Variants in PRSS53 observed in about 807,000 individuals in gnomAD.
The protein encoded by PRSS53 is serine protease 53.
In PRSS53, 54 loss-of-function variants were observed where a neutral mutation model predicts 62.7. The ratio of observed to expected loss-of-function variants is 0.86; its 90% CI spans 0.69 to 1.08. The LOEUF is 1.08. Ranked by LOEUF, PRSS53 falls within the 50% of genes least tolerant of loss-of-function variation. PRSS53 has a pLI of 0.00. For missense variants in PRSS53, 688 were observed against 728.3 expected (o/e 0.94, Z 0.64); for synonymous variants, 273 against 300.0 (o/e 0.91, Z 0.93).
intron 3 of PRSS53, 96 bp from the exon 4 acceptor site, chr16:31,086,994 A>G: frequency 7.6e-7 from 1 of 1,311,612 alleles, no homozygotes; most frequent in Non-Finnish European, 1.0e-6. Flanking sequence ...AGCAGAGAGC[A>G]CTCCACGGCT....
chr16:31,083,796 G>T, exon 11 of PRSS53: 1 of 1,614,116 alleles, frequency 6.2e-7, no homozygotes, highest in Non-Finnish European at 8.5e-7. Flanking sequence ...CCTGTCAGCA[G>T]CTGGTTGGTT....
rs2057198139 is a variant in PRSS53, at chr16:31,083,951, C to T, written c.1643-142G>A. ...CTGAGGCTCAAAGCGGTTGAGCAGC[C>T]TGCTCCAAGTCACACGATGACAAAG... On this transcript the variant is annotated intron_variant, in intron 10 of 10. Transcript: ENST00000280606. 7.2e-6 allele frequency: 11 copies of T among 1,518,538 alleles called. No individual in the cohort carries two copies. In the Admixed American group the frequency reaches 2.3e-4, roughly 31 times the overall value. The allele number at this position is 1,518,538 out of a possible 1,614,324, so 94.1% of individuals were successfully genotyped here.
In PRSS53 at chr16:31,084,184, C is replaced by T; in HGVS notation, c.1577G>A (p.Trp526Ter). 6.2e-7 allele frequency: 1 copy of T among 1,609,154 alleles called. No individual in the cohort carries two copies. Among genetic ancestry groups the T allele is most frequent in the South Asian group, 1.1e-5 (1 of 89,992 alleles). Residue 526 changes from tryptophan (W) to a stop codon, truncating the protein, a stop_gained, in exon 10 of 11, where the codon TGG (tryptophan) becomes TAG (stop). Coordinates refer to ENST00000280606, the Ensembl canonical transcript of PRSS53. LOFTEE classifies it high-confidence loss of function. Reference sequence around the variant, plus strand: ...TGGTTCCTCGGCGAAGTAGACCTGCCAGTCCAAACTGCTGACCCAGTCCTC... The same window carrying T: ...TGGTTCCTCGGCGAAGTAGACCTGCTAGTCCAAACTGCTGACCCAGTCCTC...
Position 31,085,031 on chromosome 16 carries a change from A to G in PRSS53, c.1035-7T>C. 6.2e-7 allele frequency: 1 copy of G among 1,605,196 alleles called. No homozygotes were observed. The highest frequency in any genetic ancestry group is 8.5e-7 in the Non-Finnish European group (1 of 1,176,028). On this transcript the variant is annotated splice_polypyrimidine_tract_variant and splice_region_variant and intron_variant, in intron 7 of 10. Transcript: ENST00000280606. ...TTCCTCTGGGGCCTGGCGCCTGTGC[A>G]GAGGCAGTGTGGACGGCACCAGGTG... is the stretch of plus-strand genomic sequence containing the variant.
chr16:31,086,728 G>C (rs754261424), exon 4 of PRSS53: 1 of 1,591,830 alleles, frequency 6.3e-7, no homozygotes, highest in Non-Finnish European at 8.6e-7. Flanking sequence ...TGTGTGGGTC[G>C]TGGGGTGGGC....
At position 31,084,223 on chromosome 16, in the gene PRSS53, G is replaced by A. The variant is rs145846447; in HGVS notation, c.1538C>T (p.Ala513Val). 4.4e-4 allele frequency: 715 copies of A among 1,611,810 alleles called. No individual in the cohort carries two copies. The highest frequency in any genetic ancestry group is 5.6e-4 in the Non-Finnish European group (660 of 1,179,444). Residue 513 changes from alanine (A) to valine (V), a missense_variant, in exon 10 of 11, where the codon GCG (alanine) becomes GTG (valine). Ala to Val is a moderately conservative substitution (Grantham distance 64). Coordinates refer to ENST00000280606, the Ensembl canonical transcript of PRSS53. ...GACCCAGTCCTCATAGGCAGGGAGC[G>A]CGGTGAAGACCGCCGGCCTGGCGGG...
intron 9 of PRSS53, 98 bp from the exon 10 acceptor site, chr16:31,084,433 G>A: frequency 6.7e-7 from 1 of 1,487,954 alleles, no homozygotes; most frequent in African/African-American, 1.4e-5. Flanking sequence ...GGGCTAATTG[G>A]CAAAAAGGCT....
chr16:31,084,090 G>C (rs1278051146), intron 10 of PRSS53, 29 bp downstream of exon 10: 1 of 1,551,802 alleles, frequency 6.4e-7, no homozygotes, highest in Non-Finnish European at 8.7e-7. Flanking sequence ...GAGAGGCAGG[G>C]TTTGGCAGGA....
chr16:31,087,207 G>A, intron 3 of PRSS53: 2 of 530,944 alleles, frequency 3.8e-6, no homozygotes, highest in Non-Finnish European at 6.7e-6. Flanking sequence ...ATGTTGCACA[G>A]GCTAGTCTTG....
chr16:31,088,031 T>G, intron 1 of PRSS53: 2 of 1,454,100 alleles, frequency 1.4e-6, no homozygotes, highest in Admixed American at 2.3e-5. Context: ...CAGTAATTAA[T>G]TCTCCTTCAG....
At chr16:31,084,025 A>G (rs757001114) in intron 10 of PRSS53, 94 bp downstream of exon 10, 22 of 1,503,916 alleles carry the variant, frequency 1.5e-5, no homozygotes, top group Non-Finnish European at 1.9e-5. Context: ...ACCCTACCCA[A>G]GGCAGCTGGA....
Position 31,085,270 on chromosome 16 carries a change from A to AT in PRSS53, c.884-11dup, listed in dbSNP as rs777607150. The AT allele has an allele frequency of 6.5e-7, 1 of 1,542,180 alleles. No individual in the cohort carries two copies. Among genetic ancestry groups the AT allele is most frequent in the Non-Finnish European group, 8.7e-7 (1 of 1,147,392 alleles). On this transcript the variant is annotated splice_polypyrimidine_tract_variant and intron_variant, in intron 6 of 10. Transcript: ENST00000280606. ...CTCAAGGATCCACAGGCTGAAACAG[A>AT]TAAGTGCCTCATCTGACTTCTTGCT...
chr16:31,084,355 A>G lies in PRSS53; in HGVS notation c.1426-20T>C. 6.2e-7 allele frequency: 1 copy of G among 1,601,400 alleles called. No individual in the cohort carries two copies. The highest frequency in any genetic ancestry group is 8.5e-7 in the Non-Finnish European group (1 of 1,174,822). Reference sequence around the variant, plus strand: ...CAGGCCCTGTCAGGGGTCAGGTGACACTGGGTGACTTTTTATAGGCAGCTG... The same window carrying G: ...CAGGCCCTGTCAGGGGTCAGGTGACGCTGGGTGACTTTTTATAGGCAGCTG... On this transcript the variant is annotated intron_variant, in intron 9 of 10. Coordinates refer to ENST00000280606, the Ensembl canonical transcript of PRSS53.
chr16:31,085,827 G>T, intron 6 of PRSS53, 137 bp downstream of exon 6: 1 of 758,350 alleles, frequency 1.3e-6, no homozygotes, highest in South Asian at 1.7e-5. Context: ...AGCCCTAACA[G>T]GGCTGTTCCC....
chr16:31,086,563 T>G, intron 4 of PRSS53, 70 bp downstream of exon 4: 2 of 1,563,814 alleles, frequency 1.3e-6, no homozygotes, highest in Non-Finnish European at 1.7e-6. Flanking sequence ...GCCAGGACAG[T>G]TGGGAGCTGA....
rs2057250524 is a variant in PRSS53, at chr16:31,087,800, C to T, written c.79+6G>A. 3 of 1,614,082 alleles carry T rather than the reference C, an allele frequency of 1.9e-6. No homozygotes were observed. Among genetic ancestry groups the T allele is most frequent in the Middle Eastern group, 1.6e-4 (1 of 6,062 alleles). On this transcript the variant is annotated splice_donor_region_variant and intron_variant, in intron 2 of 10. Transcript: ENST00000280606. ...AAGACCTAGGCCCCGTGTCCCCAGA[C>T]CTTACCACGCTGAGCGGCTTGAAGA...
chr16:31,087,508 G>T, intron 3 of PRSS53, 29 bp downstream of exon 3: 1 of 1,577,088 alleles, frequency 6.3e-7, no homozygotes, highest in Non-Finnish European at 8.7e-7. Context: ...CAGAGCCGGA[G>T]ACCCTGCCTG....
chr16:31,086,786 C>A lies in PRSS53; in HGVS notation c.355G>T (p.Ala119Ser), dbSNP rs200670079. The A allele has an allele frequency of 2.5e-4, 409 of 1,613,338 alleles. 2 individuals are homozygous for A. The East Asian group carries it at 6.7e-3, about 27-fold the overall frequency. ...GAGCCCTGGCTGTAGTGGTTATAGG[C>A]CCTGGGCAACTGCAGGGCAGCCACC... is the stretch of plus-strand genomic sequence containing the variant. The change falls in exon 4 of 11, where the codon GCC (alanine) becomes TCC (serine). Residue 119 changes from alanine to serine, a missense_variant. Coordinates refer to ENST00000280606, the Ensembl canonical transcript of PRSS53.
intron 3 of PRSS53, 179 bp downstream of exon 3, chr16:31,087,358 T>C (rs2143886031): frequency 3.2e-6 from 2 of 618,362 alleles, no homozygotes; most frequent in Non-Finnish European, 5.7e-6. Flanking sequence ...TTTGTAAATC[T>C]TCTACCATGA....
Sources: allele counts gnomAD v4.1 joint callset, GRCh38; gene constraint gnomAD v4.1.1; transcripts MANE v1.5; gene names NCBI Gene and HGNC (gene_info 2026-07-23, HGNC 2026-07-21).